Variants in SLC39A8 observed in about 807,000 individuals in gnomAD.
The protein encoded by SLC39A8 is metal cation symporter ZIP8.
A neutral mutation model predicts 40.4 loss-of-function variants in SLC39A8; 15 were observed. The ratio of observed to expected loss-of-function variants is 0.37; its 90% confidence interval spans 0.25 to 0.57. The LOEUF (loss-of-function observed/expected upper bound fraction) is 0.57. Ranked by LOEUF, SLC39A8 falls within the 20% of genes least tolerant of loss-of-function variation. The probability of loss-of-function intolerance (pLI) is 0.75; values close to 1 mark genes in which losing one functional copy is unlikely to be tolerated. For missense variants in SLC39A8, 472 were observed against 558.8 expected (o/e 0.84, Z 1.57); for synonymous variants, 223 against 221.6 (o/e 1.01, Z -0.06).
chr4:102,302,691 AT>A (rs1733973626), intron 6 of SLC39A8, among the ~76,000 whole-genome samples: 1 of 151,964 alleles, frequency 6.6e-6, no homozygotes, highest in South Asian at 2.1e-4. Flanking sequence ...GGAACTGAGC[AT>A]CTTTGGGTTT....
chr4:102,320,418 A>C (rs1293285517), intron 2 of SLC39A8, among the ~76,000 whole-genome samples: 1 of 107,054 alleles, frequency 9.3e-6, no homozygotes, highest in Non-Finnish European at 1.9e-5. Context: ...GAATATATAT[A>C]TGAGAATATA....
At chr4:102,326,584 C>T (rs1190167149) in intron 2 of SLC39A8, among the ~76,000 whole-genome samples, 1 of 152,012 alleles carries the variant, frequency 6.6e-6, no homozygotes, top group Non-Finnish European at 1.5e-5. Flanking sequence ...ATAAAATTAG[C>T]ATGGAATGGG....
intron 6 of SLC39A8, among the ~76,000 whole-genome samples, chr4:102,285,925 A>C (rs1033202336): frequency 1.3e-5 from 2 of 152,190 alleles, no homozygotes; most frequent in Non-Finnish European, 2.9e-5. Flanking sequence ...TCATCATGCA[A>C]TCCACTGAGT....
intron 3 of SLC39A8, among the ~76,000 whole-genome samples, chr4:102,313,695 T>A (rs1403238135): frequency 6.6e-6 from 1 of 152,062 alleles, no homozygotes; most frequent in African/African-American, 2.4e-5. Context: ...GTTCAAGTGA[T>A]CCTCCTGCCT....
At chr4:102,298,503 T>C (rs1457005484) in intron 6 of SLC39A8, among the ~76,000 whole-genome samples, 1 of 152,090 alleles carries the variant, frequency 6.6e-6, no homozygotes, top group African/African-American at 2.4e-5. Flanking sequence ...TAGTTTTCTA[T>C]TTTAATTAAT....
rs559755846 is a variant in SLC39A8, at chr4:102,318,330, A to T, written c.220-2500T>A. On this transcript the variant is annotated intron_variant, in intron 2 of 8. Transcript: ENST00000356736. ...TCCAATCACCACGAAGAACACAGAG[A>T]TGTAGAGATGATAAAACTCAAAGCT... Among the ~76,000 whole-genome samples, 36 of 152,270 alleles carry T rather than the reference A, an allele frequency of 2.4e-4. 1 individual carries two copies. Among genetic ancestry groups the T allele is most frequent in the East Asian group, 9.7e-4 (5 of 5,176 alleles).
intron 4 of SLC39A8, among the ~76,000 whole-genome samples, chr4:102,307,061 A>C (rs1734207353): frequency 6.6e-6 from 1 of 152,026 alleles, no homozygotes; most frequent in Admixed American, 6.6e-5. Flanking sequence ...TACATTTGAC[A>C]TTTGCAGTAC....
intron 6 of SLC39A8, among the ~76,000 whole-genome samples, chr4:102,292,161 A>G (rs190265739): frequency 5.1e-4 from 78 of 152,182 alleles, no homozygotes; most frequent in Non-Finnish European, 9.1e-4. Flanking sequence ...CATAATGTAT[A>G]GTTCAAAACT....
chr4:102,304,849 CTCTT>C, intron 5 of SLC39A8, 136 bp downstream of exon 5: 1 of 662,716 alleles, frequency 1.5e-6, no homozygotes. Flanking sequence ...AATATATTGA[CTCTT>C]TGTTCTCCTT....
At chr4:102,272,958 G>T (rs1732438649) in intron 6 of SLC39A8, among the ~76,000 whole-genome samples, 2 of 152,160 alleles carry the variant, frequency 1.3e-5, no homozygotes, top group African/African-American at 4.8e-5. Context: ...TACAGACCAG[G>T]AGATTCCCTA....
At chr4:102,318,130 A>C (rs551552413) in intron 2 of SLC39A8, among the ~76,000 whole-genome samples, 40 of 152,300 alleles carry the variant, frequency 2.6e-4, no homozygotes, top group African/African-American at 8.9e-4. Context: ...CAGAATTGCC[A>C]ACTGTACATC....
chr4:102,258,390 C>A (rs188558028), downstream of SLC39A8, among the ~76,000 whole-genome samples: 2 of 152,172 alleles, frequency 1.3e-5, no homozygotes, highest in South Asian at 4.1e-4. Context: ...CTTCTCCTAC[C>A]CCTGGATGAA....
At chr4:102,316,828 A>G (rs564436936) in intron 2 of SLC39A8, among the ~76,000 whole-genome samples, 1 of 152,100 alleles carries the variant, frequency 6.6e-6, no homozygotes, top group Non-Finnish European at 1.5e-5. Flanking sequence ...GGGGCCTTTG[A>G]GAGGTAATTA....
intron 6 of SLC39A8, among the ~76,000 whole-genome samples, chr4:102,268,405 T>C (rs1297205741): frequency 1.3e-5 from 2 of 152,244 alleles, no homozygotes; most frequent in African/African-American, 4.8e-5. Context: ...AATTTATTTA[T>C]ACACAAGATT....
chr4:102,322,114 T>C (rs1201798984), intron 2 of SLC39A8, among the ~76,000 whole-genome samples: 1 of 152,162 alleles, frequency 6.6e-6, no homozygotes, highest in African/African-American at 2.4e-5. Context: ...TTCCATGTGA[T>C]TTTGGTAAGC....
chr4:102,275,941 A>G (rs1017460257), intron 6 of SLC39A8, among the ~76,000 whole-genome samples: 2 of 152,248 alleles, frequency 1.3e-5, no homozygotes, highest in African/African-American at 4.8e-5. Flanking sequence ...AACCAATGAG[A>G]ACAAAGACAC....
downstream of SLC39A8, among the ~76,000 whole-genome samples, chr4:102,257,007 G>A (rs898246515): frequency 4.6e-5 from 7 of 152,190 alleles, no homozygotes; most frequent in East Asian, 1.9e-4. Flanking sequence ...CTACAGGCAG[G>A]TGCTGGCCCA....
At chr4:102,269,301 A>T (rs1732242914) in intron 6 of SLC39A8, among the ~76,000 whole-genome samples, 1 of 152,236 alleles carries the variant, frequency 6.6e-6, no homozygotes, top group Non-Finnish European at 1.5e-5. Flanking sequence ...TCAGCCTTAG[A>T]TCCTGCAATA....
intron 4 of SLC39A8, 122 bp downstream of exon 4, chr4:102,307,314 T>C (rs753667763): frequency 1.5e-5 from 17 of 1,169,512 alleles, no homozygotes; most frequent in Non-Finnish European, 2.1e-5. Context: ...CTTTCTCTTA[T>C]CCAAGACACT....
Sources: gnomAD v4.1 joint callset for allele counts (sites outside exome capture counted in the v4.1 genomes callset) on GRCh38, gnomAD v4.1.1 for gene constraint, MANE v1.5 for transcripts, NCBI Gene and HGNC (gene_info 2026-07-23, HGNC 2026-07-21) for gene names.